The following MIA2 variants were observed in gnomAD, a reference collection of about 807,000 sequenced individuals.
The protein encoded by MIA2 is MIA SH3 domain ER export factor 2.
MIA2 carries 127 observed loss-of-function variants against 167.8 expected under a neutral mutation model. The ratio of observed to expected loss-of-function variants is 0.76; its 90% CI spans 0.66 to 0.88. The LOEUF is 0.88. Among genes scored for constraint, MIA2 ranks in the 40% least tolerant of loss-of-function variants. MIA2 has a pLI of 0.00. For synonymous variants in MIA2, 552 were observed against 541.9 expected (o/e 1.02, Z -0.26); for missense variants, 1,690 against 1,624.7 (o/e 1.04, Z -0.69).
chr14:39,354,377 CTG>C (rs964833119), downstream of MIA2, among the ~76,000 whole-genome samples: 16 of 152,192 alleles, frequency 1.1e-4, no homozygotes, highest in African/African-American at 3.4e-4. Context: ...TGAGAAGTGT[CTG>C]TTCATATCCT....
At chr14:39,244,234 TG>T (rs1385555439) in intron 3 of MIA2, among the ~76,000 whole-genome samples, 1 of 152,266 alleles carries the variant, frequency 6.6e-6, no homozygotes, top group Non-Finnish European at 1.5e-5. Flanking sequence ...AAAGGGGTTC[TG>T]GTTTCTATGA....
At chr14:39,266,691 ACGG>A in intron 6 of MIA2, 12 of 985,514 alleles carry the variant, frequency 1.2e-5, no homozygotes, top group Non-Finnish European at 1.3e-5. Context: ...GACTGGAATG[ACGG>A]CGGCGGCTGG....
At chr14:39,293,044 T>C (rs1293645166) in intron 10 of MIA2, among the ~76,000 whole-genome samples, 2 of 152,214 alleles carry the variant, frequency 1.3e-5, no homozygotes, top group Non-Finnish European at 2.9e-5. Context: ...AGTTGAGTAA[T>C]TGCAACAAAG....
In MIA2 at chr14:39,293,390, T is replaced by C. The variant is rs780088436; in HGVS notation, c.2319+9T>C. The C allele has an allele frequency of 6.6e-7, 1 of 1,504,652 alleles. No homozygotes were observed. The highest frequency in any genetic ancestry group is 1.2e-5 in the South Asian group (1 of 84,832). The allele number at this position is 1,504,652 out of a possible 1,614,324, so 93.2% of individuals were successfully genotyped here. On this transcript the variant is annotated intron_variant, in intron 11 of 28. Transcript: ENST00000640607. ...CTGAACAAGATGAATTGGTAAGGCT[T>C]TTTTATTTGAGGAGAATATAAGAAA... is the stretch of plus-strand genomic sequence containing the variant.
chr14:39,243,561 C>T (rs1037561800), intron 3 of MIA2, among the ~76,000 whole-genome samples: 8 of 152,134 alleles, frequency 5.3e-5, no homozygotes, highest in African/African-American at 9.7e-5. Flanking sequence ...ACGTGACACA[C>T]GAAACTTCAG....
In MIA2 at chr14:39,284,740, C is replaced by CT. The variant is rs538573372; in HGVS notation, c.2130+5212dup. 1.3e-4 allele frequency among the ~76,000 whole-genome samples: 19 copies of CT among 148,864 alleles called. No homozygotes were observed. In the South Asian group the frequency reaches 3.4e-3, roughly 27 times the overall value. On this transcript the variant is annotated intron_variant, in intron 9 of 28. Coordinates refer to ENST00000640607, the MANE Select transcript of MIA2 (RefSeq NM_001329214.4). ...GATGCTATGTAAATAGGATTGTTTT[C>CT]TTTTTTTTTCTTTTTTTTATTTTTT...
rs1357126704 is a variant in MIA2 at position 39,306,456 on chromosome 14, C to CAACCAGATCTCATG, written c.2879-1991_2879-1978dup. On this transcript the variant is annotated intron_variant, in intron 17 of 28. Coordinates refer to ENST00000640607, the MANE Select transcript of MIA2 (RefSeq NM_001329214.4). The stretch of plus-strand genomic sequence containing the variant: ...GGGGGAGGTGTTACACACTTTAAAA[C>CAACCAGATCTCATG]AACCAGATCTCATGAGAACTCTATC... Among the ~76,000 whole-genome samples, 8 of 152,232 alleles carry CAACCAGATCTCATG rather than the reference C, an allele frequency of 5.3e-5. No individual in the cohort carries two copies. In the East Asian group the frequency reaches 1.5e-3, roughly 29 times the overall value.
intron 23 of MIA2, among the ~76,000 whole-genome samples, chr14:39,362,139 C>T (rs1210840313): frequency 6.6e-6 from 1 of 152,010 alleles, no homozygotes; most frequent in African/African-American, 2.4e-5. Context: ...AGACATTGGC[C>T]TATAGTTTTG....
intron 14 of MIA2, among the ~76,000 whole-genome samples, chr14:39,300,973 C>T (rs1348862095): frequency 4.8e-4 from 70 of 144,596 alleles, no homozygotes; most frequent in Non-Finnish European, 6.8e-4. Context: ...CACATATATA[C>T]ACATATATAC....
intron 19 of MIA2, 113 bp from the exon 20 acceptor site, chr14:39,314,626 T>TAA: frequency 2.1e-6 from 1 of 486,106 alleles, no homozygotes; most frequent in Non-Finnish European, 3.3e-6. Context: ...TTTTTTTTTT[T>TAA]TTTCATGAAG....
At chr14:39,361,657 C>T (rs568610184) in intron 23 of MIA2, among the ~76,000 whole-genome samples, 1 of 152,154 alleles carries the variant, frequency 6.6e-6, no homozygotes, top group Non-Finnish European at 1.5e-5. Flanking sequence ...TCAGGCTGAT[C>T]TCGAACTCCT....
chr14:39,286,281 A>G (rs1190052829), intron 9 of MIA2, among the ~76,000 whole-genome samples: 2 of 151,934 alleles, frequency 1.3e-5, no homozygotes, highest in Non-Finnish European at 2.9e-5. Context: ...CGTCTCCACC[A>G]GAAAAATATG....
At chr14:39,377,130 C>T (rs572391008) in intron 23 of MIA2, among the ~76,000 whole-genome samples, 17 of 151,564 alleles carry the variant, frequency 1.1e-4, no homozygotes, top group African/African-American at 3.9e-4. Context: ...TCTTTTGTGG[C>T]TAGGACAGTT....
chr14:39,281,810 TG>T (rs2058991605), intron 9 of MIA2, among the ~76,000 whole-genome samples: 2 of 151,912 alleles, frequency 1.3e-5, no homozygotes, highest in Admixed American at 6.6e-5. Context: ...TTAGTAGGGA[TG>T]GGTTTCACTG....
In MIA2 at chr14:39,247,089, CTTTG is replaced by C. The variant is rs1566593430; in HGVS notation, c.520_523del (p.Phe174LysfsTer7). ...GGATTTTATGCAACTTATGAAAGTA[CTTTG>C]TTTGAAGACCAAGTTCCAGCATTAG... On this transcript the variant is annotated frameshift_variant, in exon 4 of 29. Coordinates refer to ENST00000640607, the MANE Select transcript of MIA2 (RefSeq NM_001329214.4). LOFTEE classifies it high-confidence loss of function. 1.2e-6 allele frequency: 2 copies of C among 1,607,910 alleles called. No homozygotes were observed. Among genetic ancestry groups the C allele is most frequent in the African/African-American group, 1.3e-5 (1 of 74,546 alleles).
chr14:39,383,282 C>T (rs1397695463), intron 23 of MIA2, among the ~76,000 whole-genome samples: 1 of 151,646 alleles, frequency 6.6e-6, no homozygotes, highest in Non-Finnish European at 1.5e-5. Context: ...TTTGGTAACT[C>T]TCATAATATT....
rs1187704783 is a variant in MIA2 at position 39,373,784 on chromosome 14, GCACTCCAGCCTGCAT to G, written c.2249-13100_2249-13086del. Among the ~76,000 whole-genome samples the G allele has an allele frequency of 3.9e-5, 6 of 152,110 alleles. No individual in the cohort carries two copies. In the East Asian group the frequency reaches 1.2e-3, roughly 29 times the overall value. ...TGCAGTGAGCTGAGATCATGCCATTGCACTCCAGCCTGCATGATAGAGCAAGAGTTGGTCTAAAAA... is the reference window on the plus strand; with the variant it reads ...TGCAGTGAGCTGAGATCATGCCATTGGATAGAGCAAGAGTTGGTCTAAAAA... On this transcript the variant is annotated intron_variant, in intron 23 of 23. Coordinates refer to the MIA2 transcript ENST00000341502.
downstream of MIA2, among the ~76,000 whole-genome samples, chr14:39,356,063 C>T (rs1028073657): frequency 6.6e-6 from 1 of 152,142 alleles, no homozygotes; most frequent in African/African-American, 2.4e-5. Context: ...TGATGCTGCC[C>T]TCATAAAATG....
Position 39,350,572 on chromosome 14 carries a change from C to G in MIA2, c.*308C>G, listed in dbSNP as rs1195185846. ...AAATTCTGAAGTCTGTGTCTTTATG[C>G]CAAGAACTGTATTTACTGTGGTTGT... On this transcript the variant is annotated 3_prime_UTR_variant, in exon 29 of 29. Coordinates refer to ENST00000640607, the MANE Select transcript of MIA2 (RefSeq NM_001329214.4). 3 of 242,810 alleles carry G rather than the reference C, an allele frequency of 1.2e-5. No homozygotes were observed. Among genetic ancestry groups the G allele is most frequent in the Non-Finnish European group, 2.3e-5 (3 of 128,530 alleles). The allele number at this position is 242,810 out of a possible 1,614,324, so 15.0% of individuals were successfully genotyped here. A position where few individuals can be genotyped will look rare whatever the true frequency, so the allele number is the denominator to read the frequency against.
Sources: allele counts gnomAD v4.1 joint callset (sites outside exome capture counted in the v4.1 genomes callset), GRCh38; gene constraint gnomAD v4.1.1; transcripts MANE v1.5; gene names NCBI Gene and HGNC (gene_info 2026-07-23, HGNC 2026-07-21).